MEA1: variants seen among roughly 807,000 people sequenced by gnomAD.
MEA1 encodes the protein male-enhanced antigen 1.
In MEA1, 22 loss-of-function variants were observed where a neutral mutation model predicts 21.4. That is an observed-to-expected ratio of 1.03 (90% CI 0.73 to 1.47). The LOEUF is 1.47. Ranked by LOEUF, MEA1 falls within the 40% of genes most tolerant of loss-of-function variation. MEA1 has a pLI of 0.00. For synonymous variants in MEA1, 91 were observed against 85.5 expected (o/e 1.06, Z -0.35); for missense variants, 233 against 230.5 (o/e 1.01, Z -0.07).
intron 1 of MEA1, 92 bp downstream of exon 1, chr6:43,013,694 C>G: frequency 7.4e-6 from 10 of 1,356,930 alleles, no homozygotes; most frequent in Non-Finnish European, 1.0e-5. Context: ...CACGCCTCCC[C>G]CGCGACTTGG....
intron 1 of MEA1, 123 bp from the exon 2 acceptor site, chr6:43,013,512 C>T (rs1475399295): frequency 2.8e-6 from 3 of 1,061,522 alleles, no homozygotes; most frequent in East Asian, 2.6e-5. Flanking sequence ...GCTCCTGCAT[C>T]CTCCACCCCT....
In MEA1 at chr6:43,011,473, GTT is replaced by G; in HGVS notation, c.*995_*996del. 1.3e-6 allele frequency: 1 copy of G among 745,176 alleles called. No individual in the cohort carries two copies. Among genetic ancestry groups the G allele is most frequent in the Non-Finnish European group, 2.1e-6 (1 of 469,544 alleles). The allele number at this position is 745,176 out of a possible 1,614,324, so 46.2% of individuals were successfully genotyped here. A position where few individuals can be genotyped will look rare whatever the true frequency, so the allele number is the denominator to read the frequency against. ...ATGGTCCCTCTTCTCCCCAAAAGGT[GTT>G]CATGCCTCCCTGTGGCTAGTACAGG... On this transcript the variant is annotated 3_prime_UTR_variant, in exon 4 of 4. Transcript: ENST00000244711.
chr6:43,013,341 G>A lies in MEA1; in HGVS notation c.77C>T (p.Pro26Leu). 11 of 1,614,072 alleles carry A rather than the reference G, an allele frequency of 6.8e-6. No homozygotes were observed. Among genetic ancestry groups the A allele is most frequent in the Non-Finnish European group, 9.3e-6 (11 of 1,180,032 alleles). ...AGTCTGATTGGGGAAGATACGCTCAGGGCCCATGGTGTCTCCTCCTAGAAC... is the reference window on the plus strand; with the variant it reads ...AGTCTGATTGGGGAAGATACGCTCAAGGCCCATGGTGTCTCCTCCTAGAAC... ...TVVLGGDTMG[P>L]ERIFPNQTEE... is the part of the protein sequence containing the mutation. The change falls in exon 2 of 4, where the codon CCT becomes CTT. Residue 26 changes from proline (P) to leucine (L), a missense_variant. By Grantham distance (98) the Pro-to-Leu change is moderately conservative. Transcript: ENST00000244711.
upstream of MEA1, chr6:43,016,755 G>A (rs956039494): frequency 5.9e-6 from 1 of 169,372 alleles, no homozygotes; most frequent in Non-Finnish European, 1.3e-5. Context: ...CAGATTCTTA[G>A]AGAGGTGGCA....
At chr6:43,013,066 C>T in intron 2 of MEA1, 38 bp from the exon 3 acceptor site, 1 of 1,614,130 alleles carries the variant, frequency 6.2e-7, no homozygotes, top group Non-Finnish European at 8.5e-7. Context: ...TCTAGGCTTT[C>T]AGGGAGCCCA....
intron 3 of MEA1, 57 bp downstream of exon 3, chr6:43,012,868 GA>G: frequency 2.0e-6 from 3 of 1,501,222 alleles, no homozygotes; most frequent in Non-Finnish European, 2.8e-6. Flanking sequence ...TCCTTCTACT[GA>G]CTCATGCCAG....
chr6:43,013,920 A>G lies in MEA1; in HGVS notation c.-107T>C. On this transcript the variant is annotated 5_prime_UTR_variant, in exon 1 of 4. Coordinates refer to ENST00000244711, the MANE Select transcript of MEA1 (RefSeq NM_014623.4). ...CACCCGCTCAGAGCCCGCGGCCTCC[A>G]CTTCCGGCGGGGCAGGACGTGCAGA... The G allele has an allele frequency of 7.4e-7, 1 of 1,359,598 alleles. No individual in the cohort carries two copies. The highest frequency in any genetic ancestry group is 9.6e-7 in the Non-Finnish European group (1 of 1,045,004). 84.2% of individuals were successfully genotyped at this position (1,359,598 alleles called of 1,614,324 possible). A position where few individuals can be genotyped will look rare whatever the true frequency, so the allele number is the denominator to read the frequency against.
upstream of MEA1, chr6:43,014,328 C>T: frequency 1.6e-6 from 1 of 621,938 alleles, no homozygotes; most frequent in Admixed American, 2.7e-5. Flanking sequence ...CCCGCGGCCC[C>T]GCCCCGGCTC....
At position 43,012,141 on chromosome 6, in the gene MEA1, C is replaced by T; in HGVS notation, c.*329G>A. Reference sequence around the variant, plus strand: ...CCTTGTTTGTGCTATGCTGGGCAGGCCTTCTCTTGTCCCTTATAGGTACCT... The same window carrying T: ...CCTTGTTTGTGCTATGCTGGGCAGGTCTTCTCTTGTCCCTTATAGGTACCT... On this transcript the variant is annotated 3_prime_UTR_variant, in exon 4 of 4. Transcript: ENST00000244711. 2.1e-6 allele frequency: 2 copies of T among 965,930 alleles called. No homozygotes were observed. The highest frequency in any genetic ancestry group is 1.3e-6 in the Non-Finnish European group (1 of 795,476). The allele number at this position is 965,930 out of a possible 1,614,324, so 59.8% of individuals were successfully genotyped here.
rs746650032 is a variant in MEA1 at position 43,013,370 on chromosome 6, T to C, written c.48A>G (p.Thr16=). ...HLSGAPARMA[T]VVLGGDTMGP... is the part of the protein sequence containing the mutation. ...CCATGGTGTCTCCTCCTAGAACTAC[T>C]GTTGCCATCCGGGCAGGGGCTGCAA... is the stretch of plus-strand genomic sequence containing the variant. The change falls in exon 2 of 4, where the codon ACA becomes ACG. Residue 16 remains threonine (T), a synonymous_variant. Transcript: ENST00000244711. 6 of 1,613,538 alleles carry C rather than the reference T, an allele frequency of 3.7e-6. No individual in the cohort carries two copies. The highest frequency in any genetic ancestry group is 1.7e-5 in the Admixed American group (1 of 59,974).
At chr6:43,013,070 G>A (rs757223888) in intron 2 of MEA1, 42 bp from the exon 3 acceptor site, 1 of 1,613,984 alleles carries the variant, frequency 6.2e-7, no homozygotes, top group East Asian at 2.2e-5. Flanking sequence ...GGCTTTCAGG[G>A]AGCCCAGCTT....
chr6:43,013,690 T>TC lies in MEA1; in HGVS notation c.28+95dup, dbSNP rs759125284. 187 of 1,295,102 alleles carry TC rather than the reference T, an allele frequency of 1.4e-4. 1 individual carries two copies. The highest frequency in any genetic ancestry group is 2.0e-4 in the Non-Finnish European group (183 of 917,112). The allele number at this position is 1,295,102 out of a possible 1,614,324, so 80.2% of individuals were successfully genotyped here. A position where few individuals can be genotyped will look rare whatever the true frequency, so the allele number is the denominator to read the frequency against. Reference sequence around the variant, plus strand: ...GAACCCCGGCTCCCCGCGCCACGCCTCCCCCGCGACTTGGGAACTCTGGGT... The same window carrying TC: ...GAACCCCGGCTCCCCGCGCCACGCCTCCCCCCGCGACTTGGGAACTCTGGGT... On this transcript the variant is annotated intron_variant, in intron 1 of 3. Transcript: ENST00000244711.
chr6:43,012,710 C>CTGCTAGGGTCACCAAATCCACCT, intron 3 of MEA1, 89 bp from the exon 4 acceptor site: 1 of 1,446,750 alleles, frequency 6.9e-7, no homozygotes, highest in Non-Finnish European at 9.3e-7. Context: ...AGCCCTTGGG[C>CTGCTAGGGTCACCAAATCCACCT]TGCTAGGGTC....
Position 43,013,910 on chromosome 6 carries a change from C to G in MEA1, c.-97G>C. The G allele has an allele frequency of 6.7e-7, 1 of 1,487,054 alleles. No individual in the cohort carries two copies. Among genetic ancestry groups the G allele is most frequent in the Non-Finnish European group, 8.9e-7 (1 of 1,118,562 alleles). 92.1% of individuals were successfully genotyped at this position (1,487,054 alleles called of 1,614,324 possible). A position where few individuals can be genotyped will look rare whatever the true frequency, so the allele number is the denominator to read the frequency against. ...CCGCGCGCCTCACCCGCTCAGAGCC[C>G]GCGGCCTCCACTTCCGGCGGGGCAG... On this transcript the variant is annotated 5_prime_UTR_variant, in exon 1 of 4. Coordinates refer to ENST00000244711, the MANE Select transcript of MEA1 (RefSeq NM_014623.4).
Position 43,013,778 on chromosome 6 carries a change from C to T in MEA1, c.28+8G>A. 1.2e-6 allele frequency: 2 copies of T among 1,608,728 alleles called. No individual in the cohort carries two copies. The highest frequency in any genetic ancestry group is 1.3e-5 in the African/African-American group (1 of 74,942). On this transcript the variant is annotated splice_region_variant and intron_variant, in intron 1 of 3. Transcript: ENST00000244711. Reference sequence around the variant, plus strand: ...CTTCTCCCCTCTCCTAGAGGACCCCCTCTGTACCGCCTGACAGATGCCTTT... The same window carrying T: ...CTTCTCCCCTCTCCTAGAGGACCCCTTCTGTACCGCCTGACAGATGCCTTT...
chr6:43,013,741 C>T (rs1762467892), intron 1 of MEA1, 45 bp downstream of exon 1: 6 of 1,556,644 alleles, frequency 3.9e-6, no homozygotes, highest in Non-Finnish European at 4.4e-6. Context: ...AACAGGTCGG[C>T]GTACCCGCCC....
At position 43,013,785 on chromosome 6, in the gene MEA1, C is replaced by T. The variant is rs557129151; in HGVS notation, c.28+1G>A. 5 of 1,602,670 alleles carry T rather than the reference C, an allele frequency of 3.1e-6. No individual in the cohort carries two copies. Among genetic ancestry groups the T allele is most frequent in the Non-Finnish European group, 4.3e-6 (5 of 1,171,774 alleles). ...CCTCTCCTAGAGGACCCCCTCTGTA[C>T]CGCCTGACAGATGCCTTTCAGGCCC... is the stretch of plus-strand genomic sequence containing the variant. On this transcript the variant is annotated splice_donor_variant, in intron 1 of 3. Transcript: ENST00000244711. LOFTEE classifies it high-confidence loss of function.
Position 43,011,392 on chromosome 6 carries a change from T to C in MEA1, c.*1078A>G. 6.9e-7 allele frequency: 1 copy of C among 1,449,930 alleles called. No individual in the cohort carries two copies. Among genetic ancestry groups the C allele is most frequent in the Non-Finnish European group, 9.3e-7 (1 of 1,069,642 alleles). 89.8% of individuals were successfully genotyped at this position (1,449,930 alleles called of 1,614,324 possible). The stretch of plus-strand genomic sequence containing the variant: ...GGCTGTCTTGGGGGAAGGCAGCGCC[T>C]CTCTAGCTACTCAAGGGAGGGGGAT... On this transcript the variant is annotated 3_prime_UTR_variant, in exon 4 of 4. Coordinates refer to ENST00000244711, the MANE Select transcript of MEA1 (RefSeq NM_014623.4).
At chr6:43,014,846 T>G (rs913930058), upstream of MEA1, among the ~76,000 whole-genome samples, 16 of 150,684 alleles carry the variant, frequency 1.1e-4, no homozygotes, top group Admixed American at 1.1e-3. Flanking sequence ...GGGCGAGAAA[T>G]GGGGAATAAA....
Sources: allele counts gnomAD v4.1 joint callset (sites outside exome capture counted in the v4.1 genomes callset), GRCh38; gene constraint gnomAD v4.1.1; transcripts MANE v1.5; gene names NCBI Gene and HGNC (gene_info 2026-07-23, HGNC 2026-07-21).